SIPA1L3: variants seen among roughly 807,000 people sequenced by gnomAD.
SIPA1L3 encodes the protein signal-induced proliferation-associated 1-like protein 3.
A neutral mutation model predicts 150.1 loss-of-function variants in SIPA1L3; 59 were observed. The ratio of observed to expected loss-of-function variants is 0.39; its 90% CI spans 0.32 to 0.49. The LOEUF is 0.49. Ranked by LOEUF, SIPA1L3 falls within the 20% of genes least tolerant of loss-of-function variation. The probability of loss-of-function intolerance (pLI) is 0.86; values close to 1 mark genes in which losing one functional copy is unlikely to be tolerated. For synonymous variants in SIPA1L3, 1,070 were observed against 1,077.6 expected, an observed-to-expected ratio of 0.99 and a Z score of 0.14; for missense variants, 2,211 against 2,489.5, an observed-to-expected ratio of 0.89 and a Z score of 2.38.
chr19:38,015,552 T>G (rs1271873332), intron 1 of SIPA1L3, among the ~76,000 whole-genome samples: 1 of 151,814 alleles, frequency 6.6e-6, no homozygotes, highest in African/African-American at 2.4e-5. Context: ...GGCGAAACTC[T>G]GTCACTACAA....
chr19:38,094,576 C>T (rs1457618247), intron 4 of SIPA1L3, among the ~76,000 whole-genome samples: 1 of 152,052 alleles, frequency 6.6e-6, no homozygotes, highest in African/African-American at 2.4e-5. Flanking sequence ...TGAACAATCT[C>T]CAAAGCATAT....
intron 1 of SIPA1L3, among the ~76,000 whole-genome samples, chr19:38,019,239 C>T (rs761189200): frequency 6.6e-6 from 1 of 152,138 alleles, no homozygotes; most frequent in East Asian, 1.9e-4. Flanking sequence ...ATAGGCAGTC[C>T]GTGCCTGGTG....
At chr19:38,162,165 G>A (rs772323739) in intron 13 of SIPA1L3, 88 bp from the exon 14 acceptor site, 21 of 963,750 alleles carry the variant, frequency 2.2e-5, no homozygotes, top group Non-Finnish European at 3.5e-5. Context: ...TGCCGTGGGT[G>A]AGCAGACAGT....
chr19:38,099,989 G>C lies in SIPA1L3; in HGVS notation c.1693G>C (p.Glu565Gln). ...CATCACCCTGCGGGGCTCCATCCTG[G>C]AAGATGCTACGCCCACAGCCACCAA... ...ELITLRGSIL[E>Q]DATPTATKHG... The change falls in exon 5 of 22, where the codon GAA (glutamate) becomes CAA (glutamine). Residue 565 changes from glutamate (E) to glutamine (Q), a missense_variant. Glu to Gln is a conservative substitution (Grantham distance 29, BLOSUM62 2). Transcript: ENST00000222345. The C allele has an allele frequency of 4.4e-6, 7 of 1,608,766 alleles. No individual in the cohort carries two copies. Among genetic ancestry groups the C allele is most frequent in the Non-Finnish European group, 5.9e-6 (7 of 1,178,206 alleles).
chr19:38,110,038 C>G (rs767720302), intron 7 of SIPA1L3, 189 bp from the exon 8 acceptor site: 1 of 599,056 alleles, frequency 1.7e-6, no homozygotes, highest in Non-Finnish European at 3.0e-6. Flanking sequence ...ATGGTGAGGC[C>G]TTTGTCCTTT....
chr19:38,130,950 T>A, intron 10 of SIPA1L3, 178 bp downstream of exon 10: 1 of 638,006 alleles, frequency 1.6e-6, no homozygotes, highest in Non-Finnish European at 2.7e-6. Context: ...GCGCTTACTG[T>A]ATGCCAGTTA....
intron 15 of SIPA1L3, among the ~76,000 whole-genome samples, chr19:38,170,006 G>A (rs1456947434): frequency 1.3e-5 from 2 of 152,014 alleles, no homozygotes; most frequent in Admixed American, 6.5e-5. Flanking sequence ...CCCAGGTAGA[G>A]GGGCCAGGGT....
At chr19:38,127,424 A>G (rs1314840098) in intron 9 of SIPA1L3, among the ~76,000 whole-genome samples, 1 of 152,216 alleles carries the variant, frequency 6.6e-6, no homozygotes, top group Non-Finnish European at 1.5e-5. Flanking sequence ...TTATTGTCAA[A>G]TAAACACATT....
chr19:38,090,727 G>A (rs578117300), intron 4 of SIPA1L3, among the ~76,000 whole-genome samples: 8 of 152,344 alleles, frequency 5.3e-5, no homozygotes, highest in African/African-American at 1.9e-4. Context: ...AGACATGGAC[G>A]CCTAGCAGGC....
chr19:38,021,406 C>G (rs1461644205), intron 1 of SIPA1L3, among the ~76,000 whole-genome samples: 6 of 152,148 alleles, frequency 3.9e-5, no homozygotes, highest in Non-Finnish European at 8.8e-5. Context: ...GAGAACTCAG[C>G]CCTTCTAGTC....
chr19:38,166,780 G>T (rs913384708), intron 15 of SIPA1L3, among the ~76,000 whole-genome samples: 1 of 152,080 alleles, frequency 6.6e-6, no homozygotes, highest in Non-Finnish European at 1.5e-5. Context: ...CCTGGTTGGC[G>T]CAGGGATCTT....
chr19:38,072,025 C>T (rs1283098378), intron 2 of SIPA1L3, among the ~76,000 whole-genome samples: 1 of 152,216 alleles, frequency 6.6e-6, no homozygotes, highest in Non-Finnish European at 1.5e-5. Context: ...ATGTTTTCCG[C>T]ATTGGCGACA....
chr19:38,139,994 G>A (rs1971534198), intron 10 of SIPA1L3, among the ~76,000 whole-genome samples: 1 of 152,344 alleles, frequency 6.6e-6, no homozygotes, highest in Non-Finnish European at 1.5e-5. Flanking sequence ...CCTCCCAACA[G>A]TGGCATTGGG....
intron 7 of SIPA1L3, among the ~76,000 whole-genome samples, chr19:38,108,849 C>T (rs1049951538): frequency 3.3e-5 from 5 of 152,020 alleles, no homozygotes; most frequent in Non-Finnish European, 5.9e-5. Context: ...ATTAACTGGG[C>T]GTGGTGGCGC....
chr19:37,910,683 C>G (rs1393850689), intron 1 of SIPA1L3, among the ~76,000 whole-genome samples: 1 of 152,214 alleles, frequency 6.6e-6, no homozygotes, highest in East Asian at 1.9e-4. Context: ...CAGCTCACTG[C>G]AACTTCCACC....
chr19:38,029,725 A>G (rs892452827), intron 2 of SIPA1L3, among the ~76,000 whole-genome samples: 15 of 151,872 alleles, frequency 9.9e-5, no homozygotes, highest in African/African-American at 3.4e-4. Context: ...CAGCCTCCGG[A>G]GTAGCTGGGA....
intron 20 of SIPA1L3, among the ~76,000 whole-genome samples, chr19:38,202,314 G>A (rs969665090): frequency 5.3e-5 from 8 of 152,170 alleles, no homozygotes; most frequent in South Asian, 2.1e-4. Context: ...CAGGCCGGGC[G>A]CGGTGGCTCA....
intron 2 of SIPA1L3, among the ~76,000 whole-genome samples, chr19:38,056,620 G>A (rs1969321273): frequency 6.6e-6 from 1 of 152,208 alleles, no homozygotes; most frequent in South Asian, 2.1e-4. Flanking sequence ...ACAGAGAAGG[G>A]GGCTATCGTG....
intron 3 of SIPA1L3, among the ~76,000 whole-genome samples, chr19:38,086,233 AC>A (rs1183914877): frequency 6.6e-6 from 1 of 152,224 alleles, no homozygotes; most frequent in Non-Finnish European, 1.5e-5. Context: ...ACAAATACGT[AC>A]ATGAAAGGAA....
Sources: gnomAD v4.1 joint callset for allele counts (sites outside exome capture counted in the v4.1 genomes callset) on GRCh38, gnomAD v4.1.1 for gene constraint, MANE v1.5 for transcripts, NCBI Gene and HGNC (gene_info 2026-07-23, HGNC 2026-07-21) for gene names.